The following TPH2 variants were observed in gnomAD, a reference collection of about 807,000 sequenced individuals.
The protein encoded by TPH2 is tryptophan 5-hydroxylase 2.
Under a neutral mutation model 59.1 loss-of-function variants are expected in TPH2, and 27 were observed. The ratio of observed to expected loss-of-function variants is 0.46; its 90% CI spans 0.34 to 0.63. The LOEUF (loss-of-function observed/expected upper bound fraction) is 0.63, where lower values mean the gene tolerates loss of function less well. TPH2 is among the 30% of genes least tolerant of loss of function. TPH2 has a pLI of 0.01. For synonymous variants in TPH2, 220 were observed against 210.5 expected (o/e 1.05, Z -0.39); for missense variants, 523 against 588.3 (o/e 0.89, Z 1.15).
chr12:71,970,983 T>C (rs548991043), intron 5 of TPH2, among the ~76,000 whole-genome samples: 1 of 152,362 alleles, frequency 6.6e-6, no homozygotes, highest in South Asian at 2.1e-4. Context: ...AGAAACTCCA[T>C]TTGGACCTGA....
At chr12:72,029,721 T>G (rs2139251855) in intron 9 of TPH2, among the ~76,000 whole-genome samples, 1 of 152,260 alleles carries the variant, frequency 6.6e-6, no homozygotes, top group South Asian at 2.1e-4. Context: ...ATTCTGTGAT[T>G]CATATATGCA....
rs1873712273 is a variant in TPH2 at position 72,031,198 on chromosome 12, G to A, written c.1165-60G>A. On this transcript the variant is annotated intron_variant, in intron 9 of 10. Transcript: ENST00000333850. ...ATCAAATGTGTTGTAAAAATGTGATGTCATGGAGCTTCGGAAGTCTCATTA... is the reference window on the plus strand; with the variant it reads ...ATCAAATGTGTTGTAAAAATGTGATATCATGGAGCTTCGGAAGTCTCATTA... The A allele has an allele frequency of 5.0e-6, 8 of 1,609,534 alleles. No individual in the cohort carries two copies. The East Asian group carries it at 6.7e-5, about 13-fold the overall frequency.
intron 7 of TPH2, among the ~76,000 whole-genome samples, chr12:71,992,220 T>C (rs1443984201): frequency 1.3e-5 from 2 of 152,324 alleles, no homozygotes; most frequent in East Asian, 3.9e-4. Flanking sequence ...GCTTACACCA[T>C]ACCTGCAAAT....
At chr12:72,022,706 G>A (rs1873453525) in intron 9 of TPH2, among the ~76,000 whole-genome samples, 1 of 152,222 alleles carries the variant, frequency 6.6e-6, no homozygotes, top group Non-Finnish European at 1.5e-5. Context: ...GACTCAAATG[G>A]ATGAGCAGCC....
At chr12:71,961,850 G>A in intron 5 of TPH2, 1 of 1,158,336 alleles carries the variant, frequency 8.6e-7, no homozygotes, top group African/African-American at 1.6e-5. Context: ...TTCTCCCTGA[G>A]GCTCCTTAGG....
chr12:71,980,255 T>G (rs532686779), intron 7 of TPH2, among the ~76,000 whole-genome samples: 1 of 152,336 alleles, frequency 6.6e-6, no homozygotes, highest in South Asian at 2.1e-4. Context: ...GCTTTAATCT[T>G]ACCCCACTGT....
chr12:72,014,949 T>C (rs552000618), intron 8 of TPH2, among the ~76,000 whole-genome samples: 2 of 152,306 alleles, frequency 1.3e-5, no homozygotes, highest in East Asian at 3.9e-4. Context: ...ACGTTGATTT[T>C]TATTGCCTTA....
At position 72,022,745 on chromosome 12, in the gene TPH2, T is replaced by C. The variant is rs149302151; in HGVS notation, c.1164+251T>C. ...TGTACAAATCAACAGCAATGACAAA[T>C]GTATGCCCAAATCTTGGGTAACAAA... On this transcript the variant is annotated intron_variant, in intron 9 of 10. Coordinates refer to ENST00000333850, the MANE Select transcript of TPH2 (RefSeq NM_173353.4). Among the ~76,000 whole-genome samples the C allele has an allele frequency of 5.2e-3, 790 of 152,316 alleles. 7 individuals carry two copies. Among genetic ancestry groups the C allele is most frequent in the African/African-American group, 0.018 (741 of 41,566 alleles).
chr12:71,942,093 T>C (rs1274646861), intron 2 of TPH2, among the ~76,000 whole-genome samples: 3 of 152,168 alleles, frequency 2.0e-5, no homozygotes, highest in Non-Finnish European at 4.4e-5. Flanking sequence ...TTGTTCAAAT[T>C]TGAATTTACA....
chr12:72,010,077 C>T (rs1873059759), intron 8 of TPH2, among the ~76,000 whole-genome samples: 1 of 152,198 alleles, frequency 6.6e-6, no homozygotes, highest in South Asian at 2.1e-4. Context: ...ATTTTACACA[C>T]AGGGAACCTA....
chr12:71,990,525 AC>A (rs1872556910), intron 7 of TPH2, among the ~76,000 whole-genome samples: 1 of 152,152 alleles, frequency 6.6e-6, no homozygotes, highest in African/African-American at 2.4e-5. Flanking sequence ...AAAAATGTAA[AC>A]TTTTCAAAGT....
chr12:71,948,359 T>C (rs1871253493), intron 4 of TPH2, among the ~76,000 whole-genome samples: 1 of 152,084 alleles, frequency 6.6e-6, no homozygotes, highest in African/African-American at 2.4e-5. Context: ...TACATGGTGT[T>C]AAGGTGGTCT....
intron 5 of TPH2, among the ~76,000 whole-genome samples, chr12:71,954,577 G>A (rs1276050752): frequency 6.6e-6 from 1 of 152,172 alleles, no homozygotes. Flanking sequence ...GGGGCAGATA[G>A]CCTGTGGAGG....
At chr12:71,964,790 AACTTTT>A (rs1871770753) in intron 5 of TPH2, 3 of 968,252 alleles carry the variant, frequency 3.1e-6, no homozygotes, top group Non-Finnish European at 3.7e-6. Flanking sequence ...TTTTTTTTTT[AACTTTT>A]ACTTTAGGTT....
intron 8 of TPH2, among the ~76,000 whole-genome samples, chr12:72,004,864 T>A (rs1592407807): frequency 6.6e-6 from 1 of 152,202 alleles, no homozygotes; most frequent in Non-Finnish European, 1.5e-5. Context: ...GCTATTCTTC[T>A]GAACTGTGAT....
intron 5 of TPH2, among the ~76,000 whole-genome samples, chr12:71,953,986 T>C (rs1392200615): frequency 1.3e-5 from 2 of 152,126 alleles, no homozygotes; most frequent in African/African-American, 4.8e-5. Flanking sequence ...ATAATATATA[T>C]TGAAACCACA....
intron 8 of TPH2, among the ~76,000 whole-genome samples, chr12:72,020,937 C>T (rs4469933): frequency 0.53 from 80,078 of 151,890 alleles, 22,411 homozygotes; most frequent in Non-Finnish European, 0.64. Flanking sequence ...AGATCACCCT[C>T]ACATCAAAAA....
chr12:72,016,769 C>A (rs1044455683), intron 8 of TPH2, among the ~76,000 whole-genome samples: 2 of 152,154 alleles, frequency 1.3e-5, no homozygotes, highest in African/African-American at 4.8e-5. Context: ...CTTGCTTACT[C>A]AGGAATTTAT....
chr12:71,948,524 C>A (rs571289276), intron 4 of TPH2, among the ~76,000 whole-genome samples: 3 of 152,234 alleles, frequency 2.0e-5, no homozygotes, highest in Admixed American at 6.5e-5. Context: ...AAGAGAGGGG[C>A]GATTTGCTAA....
Sources: gnomAD v4.1 joint callset for allele counts (sites outside exome capture counted in the v4.1 genomes callset) on GRCh38, gnomAD v4.1.1 for gene constraint, MANE v1.5 for transcripts, NCBI Gene and HGNC (gene_info 2026-07-23, HGNC 2026-07-21) for gene names.